The following SLC30A9 variants were observed in gnomAD, a reference collection of about 807,000 sequenced individuals.
The protein encoded by SLC30A9 is solute carrier family 30 member 9, also known as proton-coupled zinc antiporter SLC30A9, mitochondrial.
A neutral mutation model predicts 87.5 loss-of-function variants in SLC30A9; 58 were observed. The observed-to-expected ratio is 0.66, with a 90% CI of 0.54 to 0.82. The LOEUF (loss-of-function observed/expected upper bound fraction) is 0.82. SLC30A9 is among the 40% of genes least tolerant of loss of function. The pLI, the probability that SLC30A9 is intolerant of heterozygous loss-of-function variation, is 0.00. For missense variants in SLC30A9, 557 were observed against 679.1 expected, an observed-to-expected ratio of 0.82 and a Z score of 2.00; for synonymous variants, 234 against 233.0, an observed-to-expected ratio of 1.00 and a Z score of -0.04.
chr4:42,058,399 T>C (rs1367269225), intron 9 of SLC30A9, among the ~76,000 whole-genome samples: 5 of 152,226 alleles, frequency 3.3e-5, no homozygotes, highest in African/African-American at 1.2e-4. Context: ...AACAAGTCTC[T>C]AGGAAATTCC....
intron 2 of SLC30A9, among the ~76,000 whole-genome samples, chr4:42,011,802 G>T (rs1191302236): frequency 6.6e-6 from 1 of 152,118 alleles, no homozygotes; most frequent in Non-Finnish European, 1.5e-5. Flanking sequence ...ACACAAACTT[G>T]CAGAAATAAA....
chr4:42,061,900 CAA>C (rs1223843929), intron 10 of SLC30A9, among the ~76,000 whole-genome samples: 1 of 113,108 alleles, frequency 8.8e-6, no homozygotes, highest in African/African-American at 3.3e-5. Flanking sequence ...AACTCCGTTT[CAA>C]AAAAAAAAAA....
At chr4:42,003,280 A>T (rs984516248) in intron 2 of SLC30A9, among the ~76,000 whole-genome samples, 1 of 152,194 alleles carries the variant, frequency 6.6e-6, no homozygotes, top group Non-Finnish European at 1.5e-5. Flanking sequence ...TGTGCTTGAA[A>T]ATAATGTGTA....
intron 1 of SLC30A9, among the ~76,000 whole-genome samples, chr4:41,997,057 T>TAAATAAATAAAC (rs1714748210): frequency 6.7e-6 from 1 of 148,430 alleles, no homozygotes; most frequent in Non-Finnish European, 1.5e-5. Flanking sequence ...AATAAATAAA[T>TAAATAAATAAAC]AAATAAAAAT....
intron 1 of SLC30A9, among the ~76,000 whole-genome samples, chr4:41,992,586 C>A (rs1486349233): frequency 2.6e-5 from 4 of 152,174 alleles, no homozygotes; most frequent in East Asian, 1.9e-4. Flanking sequence ...ATTATGTATT[C>A]TTTGTCTCAT....
chr4:42,058,079 C>T (rs538456002), intron 9 of SLC30A9, among the ~76,000 whole-genome samples: 9 of 132,078 alleles, frequency 6.8e-5, no homozygotes, highest in South Asian at 2.7e-4. Context: ...TCCAGCCTGG[C>T]GACAGAGTGA....
intron 14 of SLC30A9, among the ~76,000 whole-genome samples, chr4:42,068,443 A>G (rs1718173266): frequency 6.6e-6 from 1 of 151,470 alleles, no homozygotes; most frequent in South Asian, 2.1e-4. Flanking sequence ...GGGTTTCTCC[A>G]TATTGGTCAG....
chr4:41,991,278 A>G (rs1714427072), intron 1 of SLC30A9, among the ~76,000 whole-genome samples: 1 of 152,248 alleles, frequency 6.6e-6, no homozygotes, highest in Non-Finnish European at 1.5e-5. Flanking sequence ...AAAGTATCCG[A>G]CAATCATTGA....
At chr4:42,075,973 T>A (rs1718531152) in intron 16 of SLC30A9, among the ~76,000 whole-genome samples, 187 bp downstream of exon 16, 1 of 152,158 alleles carries the variant, frequency 6.6e-6, no homozygotes, top group Non-Finnish European at 1.5e-5. Context: ...AAGAACAAAC[T>A]TACTATTTCA....
chr4:42,000,293 A>G (rs1714924402), intron 1 of SLC30A9, among the ~76,000 whole-genome samples: 1 of 152,132 alleles, frequency 6.6e-6, no homozygotes, highest in Non-Finnish European at 1.5e-5. Flanking sequence ...GATATTTTGA[A>G]TAGGGCTGAA....
intron 6 of SLC30A9, among the ~76,000 whole-genome samples, chr4:42,034,069 A>G (rs537307820): frequency 1.4e-5 from 2 of 145,876 alleles, no homozygotes; most frequent in Admixed American, 1.5e-4. Context: ...AGTTAAAAGA[A>G]TTTTTTGTAA....
At chr4:42,026,226 C>G (rs1716186642) in intron 6 of SLC30A9, among the ~76,000 whole-genome samples, 1 of 152,114 alleles carries the variant, frequency 6.6e-6, no homozygotes, top group Non-Finnish European at 1.5e-5. Flanking sequence ...GACAGATAGT[C>G]CTGGAAATTC....
chr4:41,993,625 A>G (rs369429823), intron 1 of SLC30A9, among the ~76,000 whole-genome samples: 4 of 152,192 alleles, frequency 2.6e-5, no homozygotes, highest in East Asian at 3.8e-4. Flanking sequence ...AGGGTGTGGG[A>G]AAACAGGAAC....
At chr4:42,084,185 A>G (rs996989549) in intron 17 of SLC30A9, among the ~76,000 whole-genome samples, 2 of 152,342 alleles carry the variant, frequency 1.3e-5, no homozygotes, top group African/African-American at 4.8e-5. Flanking sequence ...TGAAAAGATT[A>G]TAACAGAAAT....
At chr4:42,077,907 AT>A (rs1373862719) in intron 16 of SLC30A9, among the ~76,000 whole-genome samples, 1 of 151,870 alleles carries the variant, frequency 6.6e-6, no homozygotes, top group African/African-American at 2.4e-5. Flanking sequence ...TCCACTTTGA[AT>A]TATTTTAATG....
chr4:42,020,443 A>G lies in SLC30A9; in HGVS notation c.362A>G (p.Tyr121Cys), dbSNP rs932071958. 2 of 1,579,822 alleles carry G rather than the reference A, an allele frequency of 1.3e-6. No homozygotes were observed. Among genetic ancestry groups the G allele is most frequent in the Admixed American group, 1.7e-5 (1 of 59,228 alleles). The change falls in exon 4 of 18, where the codon TAT becomes TGT. Residue 121 changes from tyrosine to cysteine, a missense_variant. By Grantham distance (194) the Tyr-to-Cys change is radical (BLOSUM62 -2). Coordinates refer to ENST00000264451, the MANE Select transcript of SLC30A9 (RefSeq NM_006345.4). ...RVKAVLKKREYGSKYTQNNFI... is the reference protein window; with the variant it reads ...RVKAVLKKRECGSKYTQNNFI... ...AAAGCAGTCCTTAAGAAAAGGGAGTATGGCTCAAAGTACACTCAGAATAAT... is the reference window on the plus strand; with the variant it reads ...AAAGCAGTCCTTAAGAAAAGGGAGTGTGGCTCAAAGTACACTCAGAATAAT...
chr4:42,086,305 A>G lies in SLC30A9; in HGVS notation c.*179A>G, dbSNP rs1450527067. 1.7e-5 allele frequency: 7 copies of G among 407,234 alleles called. No homozygotes were observed. The highest frequency in any genetic ancestry group is 3.2e-4 in the Middle Eastern group (1 of 3,158). 25.2% of individuals were successfully genotyped at this position (407,234 alleles called of 1,614,324 possible). A position where few individuals can be genotyped will look rare whatever the true frequency, so the allele number is the denominator to read the frequency against. The stretch of plus-strand genomic sequence containing the variant: ...AGCAGGACACAGAACTAAAACTACT[A>G]CTTACATCTAACAGACACACTACAA... On this transcript the variant is annotated 3_prime_UTR_variant, in exon 18 of 18. Coordinates refer to ENST00000264451, the MANE Select transcript of SLC30A9 (RefSeq NM_006345.4).
intron 8 of SLC30A9, among the ~76,000 whole-genome samples, chr4:42,039,461 C>T: frequency 6.6e-6 from 1 of 150,450 alleles, no homozygotes; most frequent in Non-Finnish European, 1.5e-5. Context: ...TTATTTTTGC[C>T]TCCTCTTTTT....
rs143034697 is a variant in SLC30A9, at chr4:42,018,457, T to G, written c.334+287T>G. The G allele has an allele frequency of 2.9e-4, 361 of 1,244,172 alleles. 3 individuals carry two copies. The East Asian group carries it at 6.5e-3, about 22-fold the overall frequency. 77.1% of individuals were successfully genotyped at this position (1,244,172 alleles called of 1,614,324 possible). On this transcript the variant is annotated intron_variant, in intron 3 of 17. Transcript: ENST00000264451. Reference sequence around the variant, plus strand: ...ATCATTTTTAGAAGAGTAAGGCAATTAAAGAACAAGAGGCCCACACTTTTC... The same window carrying G: ...ATCATTTTTAGAAGAGTAAGGCAATGAAAGAACAAGAGGCCCACACTTTTC...
Sources: gnomAD v4.1 joint callset for allele counts (sites outside exome capture counted in the v4.1 genomes callset) on GRCh38, gnomAD v4.1.1 for gene constraint, MANE v1.5 for transcripts, NCBI Gene and HGNC (gene_info 2026-07-23, HGNC 2026-07-21) for gene names.